Variants in EML4 observed in about 807,000 individuals in gnomAD.
The protein encoded by EML4 is echinoderm microtubule-associated protein-like 4.
In EML4, 72 loss-of-function variants were observed where a neutral mutation model predicts 129.0. The ratio of observed to expected loss-of-function variants is 0.56; its 90% CI spans 0.46 to 0.68. EML4 has a LOEUF of 0.68. EML4 is among the 30% of genes least tolerant of loss of function. EML4 has a pLI of 0.00. For synonymous variants in EML4, 532 were observed against 405.0 expected, an observed-to-expected ratio of 1.31 and a Z score of -3.77; for missense variants, 1,363 against 1,190.6, an observed-to-expected ratio of 1.14 and a Z score of -2.13.
chr2:42,242,923 A>C (rs76726964), intron 1 of EML4, among the ~76,000 whole-genome samples: 53 of 151,990 alleles, frequency 3.5e-4, no homozygotes, highest in African/African-American at 1.2e-3. Flanking sequence ...GACTACAAAC[A>C]CGTGCCACCA....
At chr2:42,197,263 C>T (rs1671947058) in intron 1 of EML4, among the ~76,000 whole-genome samples, 1 of 152,056 alleles carries the variant, frequency 6.6e-6, no homozygotes. Flanking sequence ...GGGGTTTTGC[C>T]ATATTCCCAG....
intron 1 of EML4, among the ~76,000 whole-genome samples, chr2:42,194,937 T>C (rs1405955266): frequency 6.6e-6 from 1 of 152,206 alleles, no homozygotes; most frequent in Non-Finnish European, 1.5e-5. Flanking sequence ...ATTTTTTTCT[T>C]ACAAATATGC....
chr2:42,330,028 C>G lies in EML4; in HGVS notation c.2767C>G (p.Leu923Val). The G allele has an allele frequency of 6.2e-7, 1 of 1,613,642 alleles. No homozygotes were observed. Among genetic ancestry groups the G allele is most frequent in the East Asian group, 2.2e-5 (1 of 44,876 alleles). Residue 923 changes from leucine (L) to valine (V), a missense_variant, in exon 23 of 23, where the codon CTG becomes GTG. By Grantham distance (32) the Leu-to-Val change is conservative. Transcript: ENST00000318522. ...TAGAATAAGCAGTTCTCCCACACTT[C>G]TGGAGAACAGCCTGGAACAAACTGT... ...ESRISSSPTL[L>V]ENSLEQTVEP...
At chr2:42,177,984 C>T (rs1021676240) in intron 1 of EML4, among the ~76,000 whole-genome samples, 11 of 152,010 alleles carry the variant, frequency 7.2e-5, no homozygotes, top group African/African-American at 1.9e-4. Flanking sequence ...GTGGCTAATC[C>T]CTATCTTTGA....
intron 18 of EML4, 97 bp downstream of exon 18, chr2:42,316,147 C>T (rs924357173): frequency 1.2e-6 from 1 of 800,934 alleles, no homozygotes; most frequent in Non-Finnish European, 2.1e-6. Context: ...ACTTTTTTCT[C>T]TCTTTAGAGT....
intron 11 of EML4, among the ~76,000 whole-genome samples, chr2:42,290,843 C>T (rs769920306): frequency 5.3e-5 from 8 of 151,976 alleles, no homozygotes; most frequent in East Asian, 1.9e-4. Flanking sequence ...GGATAGGAGA[C>T]GATGAAGACG....
rs2103762122 is a variant in EML4 at position 42,169,487 on chromosome 2, G to GAGCCGGT, written c.-119_-113dup. On this transcript the variant is annotated 5_prime_UTR_variant, in exon 1 of 23. Transcript: ENST00000318522. ...GCGAACGGACGGACGACGGAGGCGG[G>GAGCCGGT]AGCCGGTAGCCGAGCCGGGCGACCT... 8.7e-7 allele frequency: 1 copy of GAGCCGGT among 1,152,454 alleles called. No homozygotes were observed. Among genetic ancestry groups the GAGCCGGT allele is most frequent in the African/African-American group, 1.6e-5 (1 of 62,802 alleles). 71.4% of individuals were successfully genotyped at this position (1,152,454 alleles called of 1,614,324 possible).
At position 42,272,396 on chromosome 2, in the gene EML4, A is replaced by G. The variant is rs530210188; in HGVS notation, c.667+7665A>G. Among the ~76,000 whole-genome samples the G allele has an allele frequency of 4.6e-5, 7 of 152,362 alleles. No individual in the cohort carries two copies. In the South Asian group the frequency reaches 1.5e-3, roughly 32 times the overall value. ...GAACTATTTTAATGTTTCTAAAAAT[A>G]TATTCAAATAATATAGTGAGCACCT... On this transcript the variant is annotated intron_variant, in intron 6 of 22. Transcript: ENST00000318522.
chr2:42,206,108 A>G (rs959253017), intron 1 of EML4, among the ~76,000 whole-genome samples: 4 of 152,204 alleles, frequency 2.6e-5, no homozygotes, highest in Non-Finnish European at 4.4e-5. Context: ...TTTGTACGAC[A>G]TTTTTAAATC....
intron 1 of EML4, among the ~76,000 whole-genome samples, chr2:42,170,652 A>G (rs556085818): frequency 4.5e-4 from 68 of 152,376 alleles, no homozygotes; most frequent in Non-Finnish European, 7.9e-4. Context: ...ATTAAGTTCA[A>G]CTGTTAGAAT....
intron 3 of EML4, 33 bp downstream of exon 3, chr2:42,256,663 T>C: frequency 5.6e-6 from 9 of 1,611,546 alleles, no homozygotes; most frequent in South Asian, 1.1e-5. Context: ...AAAACTAACA[T>C]TGCAGAATTG....
chr2:42,264,767 C>A (rs765460847), intron 6 of EML4, 36 bp downstream of exon 6: 1 of 1,458,724 alleles, frequency 6.9e-7, no homozygotes, highest in Non-Finnish European at 9.5e-7. Context: ...TTTATTTTGC[C>A]CTTCTTAGTT....
At chr2:42,220,226 C>T (rs1410974981) in intron 1 of EML4, among the ~76,000 whole-genome samples, 1 of 130,514 alleles carries the variant, frequency 7.7e-6, no homozygotes, top group Non-Finnish European at 1.6e-5. Context: ...TTGCACTTTG[C>T]AGATACTGTA....
intron 1 of EML4, among the ~76,000 whole-genome samples, chr2:42,220,698 A>G (rs537108742): frequency 7.9e-5 from 12 of 152,202 alleles, no homozygotes; most frequent in South Asian, 2.1e-4. Context: ...TAGATGAAGA[A>G]GGCATGTCAA....
intron 1 of EML4, among the ~76,000 whole-genome samples, chr2:42,185,960 T>C (rs1671227082): frequency 6.6e-6 from 1 of 152,166 alleles, no homozygotes. Flanking sequence ...GACTCTGTTA[T>C]GAATCAGGCA....
intron 1 of EML4, among the ~76,000 whole-genome samples, chr2:42,232,798 C>T (rs567247177): frequency 2.0e-5 from 3 of 152,298 alleles, no homozygotes; most frequent in South Asian, 2.1e-4. Context: ...GATTTCGGCT[C>T]ACTGCAAGCT....
At chr2:42,222,426 A>T (rs1383336149) in intron 1 of EML4, among the ~76,000 whole-genome samples, 1 of 152,176 alleles carries the variant, frequency 6.6e-6, no homozygotes, top group African/African-American at 2.4e-5. Context: ...AGTTATATGA[A>T]TTCTAATTTC....
At chr2:42,281,015 T>A (rs758876689) in intron 7 of EML4, 42 bp downstream of exon 7, 1 of 1,483,910 alleles carries the variant, frequency 6.7e-7, no homozygotes, top group South Asian at 1.3e-5. Context: ...TTGCTTTGTC[T>A]CTAGTTAACA....
Position 42,284,631 on chromosome 2 carries a change from T to C in EML4, c.942-3T>C, listed in dbSNP as rs376327094. On this transcript the variant is annotated splice_polypyrimidine_tract_variant and splice_region_variant and intron_variant, in intron 8 of 22. Transcript: ENST00000318522. ...TAAAATCATTCTTAATACTGCTTTT[T>C]AGCCTTGCTATACATCCTGACAAAA... 1.8e-5 allele frequency: 29 copies of C among 1,609,556 alleles called. No homozygotes were observed. The South Asian group carries it at 3.0e-4, about 17-fold the overall frequency.
Sources: allele counts gnomAD v4.1 joint callset (sites outside exome capture counted in the v4.1 genomes callset), GRCh38; gene constraint gnomAD v4.1.1; transcripts MANE v1.5; gene names NCBI Gene and HGNC (gene_info 2026-07-23, HGNC 2026-07-21).